FGFR2: variants seen among roughly 807,000 people sequenced by gnomAD.
The protein encoded by FGFR2 is fibroblast growth factor receptor 2, also known as BEK fibroblast growth factor receptor.
A neutral mutation model predicts 95.9 loss-of-function variants in FGFR2; 19 were observed. That is an observed-to-expected ratio of 0.20 (90% CI 0.14 to 0.29). The LOEUF is 0.29. FGFR2 is among the 10% of genes least tolerant of loss of function. FGFR2 has a pLI of 1.00. For missense variants in FGFR2, 707 were observed against 1,056.9 expected, an observed-to-expected ratio of 0.67 and a Z score of 4.59; for synonymous variants, 392 against 393.3, an observed-to-expected ratio of 1.00 and a Z score of 0.04.
intron 13 of FGFR2, among the ~76,000 whole-genome samples, chr10:121,495,529 G>A (rs1365104164): frequency 1.3e-5 from 2 of 152,084 alleles, no homozygotes; most frequent in African/African-American, 4.8e-5. Flanking sequence ...AAACCATCCA[G>A]AACATGGGGT....
intron 2 of FGFR2, among the ~76,000 whole-genome samples, chr10:121,590,379 A>G (rs1483508907): frequency 1.3e-5 from 2 of 152,142 alleles, no homozygotes; most frequent in African/African-American, 2.4e-5. Flanking sequence ...GCTTGACTAG[A>G]CTTCAAATAT....
intron 6 of FGFR2, among the ~76,000 whole-genome samples, chr10:121,522,887 C>A (rs1850756857): frequency 6.6e-6 from 1 of 152,216 alleles, no homozygotes; most frequent in Non-Finnish European, 1.5e-5. Flanking sequence ...TCAGCCAGCT[C>A]AGCACACCAA....
chr10:121,481,412 ACACACACAC>A (rs1844664751), intron 17 of FGFR2, among the ~76,000 whole-genome samples: 2 of 151,868 alleles, frequency 1.3e-5, no homozygotes, highest in Non-Finnish European at 2.9e-5. Context: ...ACACACACAC[ACACACACAC>A]AAAACCCTCT....
chr10:121,574,421 C>T (rs866275358), intron 2 of FGFR2, among the ~76,000 whole-genome samples: 23 of 151,964 alleles, frequency 1.5e-4, no homozygotes, highest in Admixed American at 3.9e-4. Flanking sequence ...CCCAGCTACA[C>T]GGGAAGCTGA....
At chr10:121,510,264 G>C (rs142915853) in intron 9 of FGFR2, among the ~76,000 whole-genome samples, 2 of 152,154 alleles carry the variant, frequency 1.3e-5, no homozygotes, top group African/African-American at 2.4e-5. Flanking sequence ...GAGCCATGAC[G>C]CACCAGCCCC....
At chr10:121,547,555 C>A (rs984680485) in intron 5 of FGFR2, among the ~76,000 whole-genome samples, 3 of 151,822 alleles carry the variant, frequency 2.0e-5, no homozygotes, top group African/African-American at 7.3e-5. Context: ...CTACTACGCC[C>A]AGCTAATGGT....
intron 6 of FGFR2, among the ~76,000 whole-genome samples, chr10:121,524,099 T>TGTACACAC (rs1554933373): frequency 3.6e-5 from 5 of 137,288 alleles, no homozygotes; most frequent in East Asian, 4.3e-4. Context: ...CCCGGCTATG[T>TGTACACAC]ATACACACAC....
rs184026174 is a variant in FGFR2, at chr10:121,479,707, T to G, written c.*150A>C. ...TACAAGTTTTCAACTGTATAAATCT[T>G]TACACATATGCTGATTACTTTTCCA... On this transcript the variant is annotated 3_prime_UTR_variant, in exon 18 of 18. Transcript: ENST00000358487. 2 of 1,592,396 alleles carry G rather than the reference T, an allele frequency of 1.3e-6. No individual in the cohort carries two copies. Among genetic ancestry groups the G allele is most frequent in the Admixed American group, 3.6e-5 (2 of 55,648 alleles).
In FGFR2 at chr10:121,571,182, GGGGT is replaced by G. The variant is rs937573869; in HGVS notation, c.110-5482_110-5479del. On this transcript the variant is annotated intron_variant, in intron 2 of 17. Transcript: ENST00000358487. Reference sequence around the variant, plus strand: ...TTTTGGTATTTTTTTTAGTAGAGACGGGGTGGGTTTCACCATGTTGGCCAGGATG... The same window carrying G: ...TTTTGGTATTTTTTTTAGTAGAGACGGGGTTTCACCATGTTGGCCAGGATG... Among the ~76,000 whole-genome samples, 102 of 151,248 alleles carry G rather than the reference GGGGT, an allele frequency of 6.7e-4. 1 individual carries two copies. The Middle Eastern group carries it at 0.021, about 30-fold the overall frequency.
intron 9 of FGFR2, among the ~76,000 whole-genome samples, chr10:121,508,582 T>A (rs902764824): frequency 2.0e-5 from 3 of 152,136 alleles, no homozygotes; most frequent in Non-Finnish European, 4.4e-5. Flanking sequence ...GCTTTTCAAA[T>A]GGAAAGCCTA....
rs201899542 is a variant in FGFR2 at position 121,520,179 on chromosome 10, A to T, written c.749-10T>A. 23 of 1,610,590 alleles carry T rather than the reference A, an allele frequency of 1.4e-5. No individual in the cohort carries two copies. Among genetic ancestry groups the T allele is most frequent in the Non-Finnish European group, 2.0e-5 (23 of 1,178,302 alleles). On this transcript the variant is annotated splice_polypyrimidine_tract_variant and intron_variant, in intron 6 of 17. Coordinates refer to ENST00000358487, the MANE Select transcript of FGFR2 (RefSeq NM_000141.5). ...CGGTGAGGCGATCGCTCTGGTGGAGAGAGGGAAGAAAGGAGGAGTGGGGAT... is the reference window on the plus strand; with the variant it reads ...CGGTGAGGCGATCGCTCTGGTGGAGTGAGGGAAGAAAGGAGGAGTGGGGAT...
At position 121,517,548 on chromosome 10, in the gene FGFR2, C is replaced by CGG; in HGVS notation, c.940-87_940-86dup. The CGG allele has an allele frequency of 1.9e-6, 3 of 1,554,910 alleles. No homozygotes were observed. The highest frequency in any genetic ancestry group is 2.6e-6 in the Non-Finnish European group (3 of 1,133,266). ...GCTGTGGAACCACAAGGCGTCGCAC[C>CGG]GGGGGCTTCAGGGGGTGCTGGCCAC... On this transcript the variant is annotated intron_variant, in intron 7 of 17. Transcript: ENST00000358487. This position sits in a 1 kb window ranked among gnomAD's most constrained non-coding sequence, Gnocchi z 4.7.
intron 1 of FGFR2, among the ~76,000 whole-genome samples, chr10:121,595,844 C>T (rs1054106805): frequency 2.0e-5 from 3 of 152,230 alleles, no homozygotes; most frequent in Admixed American, 6.5e-5. Flanking sequence ...AATCTCAAGC[C>T]GTTCCATCAT....
intron 4 of FGFR2, among the ~76,000 whole-genome samples, chr10:121,556,131 C>T (rs536612231): frequency 4.0e-5 from 6 of 149,230 alleles, no homozygotes; most frequent in African/African-American, 1.3e-4. Flanking sequence ...GATGGATGGA[C>T]GGACGGATGG....
intron 13 of FGFR2, among the ~76,000 whole-genome samples, chr10:121,496,194 A>AAG (rs1846779587): frequency 6.6e-6 from 1 of 152,116 alleles, no homozygotes; most frequent in African/African-American, 2.4e-5. Flanking sequence ...AGAAAAAAAA[A>AAG]AAAGAAAGAA....
intron 2 of FGFR2, among the ~76,000 whole-genome samples, chr10:121,583,099 T>C (rs1861200703): frequency 6.6e-6 from 1 of 152,188 alleles, no homozygotes; most frequent in Non-Finnish European, 1.5e-5. Context: ...TTTTGGCCTT[T>C]TCATTCTTGG....
intron 2 of FGFR2, among the ~76,000 whole-genome samples, chr10:121,588,796 T>C (rs771400742): frequency 2.4e-4 from 37 of 151,980 alleles, no homozygotes; most frequent in African/African-American, 8.2e-4. Context: ...ACTCAGGAGG[T>C]TGGAGGACCC....
Position 121,564,799 on chromosome 10 carries a change from G to A in FGFR2, c.377-220C>T, listed in dbSNP as rs1005411262. ...GATTCTCAATGTTTTCTGCTTTCACGCTATTTAAACAGGCTATAAAATTGG... is the reference window on the plus strand; with the variant it reads ...GATTCTCAATGTTTTCTGCTTTCACACTATTTAAACAGGCTATAAAATTGG... On this transcript the variant is annotated intron_variant, in intron 3 of 17. Transcript: ENST00000358487. Among the ~76,000 whole-genome samples the A allele has an allele frequency of 2.9e-4, 44 of 152,070 alleles. 1 individual carries two copies. Among genetic ancestry groups the A allele is most frequent in the Admixed American group, 2.6e-3 (40 of 15,276 alleles).
intron 11 of FGFR2, 92 bp downstream of exon 11, chr10:121,500,734 G>T: frequency 6.4e-7 from 1 of 1,562,378 alleles, no homozygotes; most frequent in Non-Finnish European, 8.7e-7. Context: ...CTCTGACCCC[G>T]TGCCATGATA....
Sources: gnomAD v4.1 joint callset for allele counts (sites outside exome capture counted in the v4.1 genomes callset) on GRCh38, gnomAD v4.1.1 for gene constraint, Gnocchi (gnomAD v3.1) non-coding constraint, MANE v1.5 for transcripts, NCBI Gene and HGNC (gene_info 2026-07-23, HGNC 2026-07-21) for gene names.